SRGAP2: variants seen among roughly 807,000 people sequenced by gnomAD.
The protein encoded by SRGAP2 is SLIT-ROBO Rho GTPase activating protein 2.
A neutral mutation model predicts 57.2 loss-of-function variants in SRGAP2; 15 were observed. The ratio of observed to expected loss-of-function variants is 0.26; its 90% CI spans 0.18 to 0.40. SRGAP2 has a LOEUF of 0.40. SRGAP2 is among the 10% of genes least tolerant of loss of function. The pLI, the probability that SRGAP2 is intolerant of heterozygous loss-of-function variation, is 1.00. For missense variants in SRGAP2, 520 were observed against 669.6 expected, an observed-to-expected ratio of 0.78 and a Z score of 2.47; for synonymous variants, 249 against 248.0, an observed-to-expected ratio of 1.00 and a Z score of -0.04.
At chr1:206,276,809 G>A (rs2102674238) in intron 2 of SRGAP2, among the ~76,000 whole-genome samples, 1 of 152,218 alleles carries the variant, frequency 6.6e-6, no homozygotes, top group South Asian at 2.1e-4. Context: ...TTTGTTTTTA[G>A]GGTGGTGCCC....
intron 20 of SRGAP2, 102 bp downstream of exon 20, chr1:206,453,482 G>T (rs2483058): frequency 8.7e-5 from 41 of 469,518 alleles, no homozygotes; most frequent in African/African-American, 8.0e-4. Context: ...GCCAACCCCT[G>T]GGGGGTCCAG....
intron 2 of SRGAP2, among the ~76,000 whole-genome samples, chr1:206,286,680 A>G (rs1184429674): frequency 6.6e-6 from 1 of 152,194 alleles, no homozygotes; most frequent in African/African-American, 2.4e-5. Flanking sequence ...GGGCACTTTC[A>G]GATGGAGTGG....
At chr1:206,335,602 G>T (rs1284048357) in intron 3 of SRGAP2, among the ~76,000 whole-genome samples, 1 of 152,108 alleles carries the variant, frequency 6.6e-6, no homozygotes, top group East Asian at 1.9e-4. Flanking sequence ...CTAGAATAGT[G>T]GCTAGCCCAT....
At chr1:206,418,199 G>T (rs1159607548) in intron 11 of SRGAP2, among the ~76,000 whole-genome samples, 5 of 152,122 alleles carry the variant, frequency 3.3e-5, no homozygotes, top group Non-Finnish European at 7.4e-5. Context: ...CCTTGTTCTT[G>T]CCGTAGAGGG....
At chr1:206,333,408 G>C in intron 3 of SRGAP2, 2 of 1,358,834 alleles carry the variant, frequency 1.5e-6, no homozygotes, top group Non-Finnish European at 2.1e-6. Flanking sequence ...GTTATCTTCA[G>C]CTTCTTCAAG....
At chr1:206,455,247 T>G (rs976902967) in intron 21 of SRGAP2, 3 of 585,008 alleles carry the variant, frequency 5.1e-6, no homozygotes, top group African/African-American at 3.7e-5. Flanking sequence ...GCCCTCGTGC[T>G]GTGGAAGGGT....
intron 4 of SRGAP2, among the ~76,000 whole-genome samples, chr1:206,363,482 G>A (rs1467675824): frequency 9.9e-5 from 15 of 152,140 alleles, no homozygotes; most frequent in African/African-American, 3.4e-4. Context: ...AAATTAACAC[G>A]GAGGTAATAC....
At chr1:206,334,787 C>CA (rs1674651804) in intron 3 of SRGAP2, among the ~76,000 whole-genome samples, 1 of 151,602 alleles carries the variant, frequency 6.6e-6, no homozygotes, top group South Asian at 2.1e-4. Flanking sequence ...GTGAGCCAGA[C>CA]TGTCTGCCTC....
intron 2 of SRGAP2, among the ~76,000 whole-genome samples, chr1:206,284,777 T>A (rs1261100070): frequency 6.6e-6 from 1 of 151,724 alleles, no homozygotes; most frequent in Non-Finnish European, 1.5e-5. Flanking sequence ...CACAGTCCAC[T>A]ATGACTGTAC....
At chr1:206,314,763 G>T (rs1672944938) in intron 3 of SRGAP2, among the ~76,000 whole-genome samples, 2 of 150,306 alleles carry the variant, frequency 1.3e-5, no homozygotes, top group South Asian at 4.2e-4. Context: ...GAATTTAAAT[G>T]ATATATTTAT....
At chr1:206,339,312 C>A (rs1271667348) in intron 3 of SRGAP2, among the ~76,000 whole-genome samples, 6 of 152,006 alleles carry the variant, frequency 3.9e-5, no homozygotes, top group Non-Finnish European at 8.8e-5. Context: ...GCCCTTGAGC[C>A]TTCTATGGCA....
intron 14 of SRGAP2, among the ~76,000 whole-genome samples, chr1:206,433,496 C>A (rs1279509656): frequency 6.6e-6 from 1 of 152,008 alleles, no homozygotes; most frequent in South Asian, 2.1e-4. Context: ...AAAAAATTAG[C>A]TGGGTGTGGT....
chr1:206,220,459 C>T (rs1385151735), intron 2 of SRGAP2, among the ~76,000 whole-genome samples: 4 of 152,010 alleles, frequency 2.6e-5, no homozygotes, highest in Admixed American at 6.6e-5. Context: ...TTGCCTAGGC[C>T]GAGAGTGTCA....
At chr1:206,393,779 A>C in intron 7 of SRGAP2, 106 bp downstream of exon 7, 1 of 516,584 alleles carries the variant, frequency 1.9e-6, no homozygotes, top group Non-Finnish European at 3.5e-6. Context: ...CATTTTGAGA[A>C]CAATTAGGAA....
chr1:206,210,352 C>G (rs1206495247), intron 2 of SRGAP2, among the ~76,000 whole-genome samples: 1 of 135,060 alleles, frequency 7.4e-6, no homozygotes, highest in African/African-American at 2.8e-5. Flanking sequence ...CAGGGTGGCA[C>G]TGTATGCTGA....
chr1:206,384,398 A>G (rs1553347877), intron 5 of SRGAP2, among the ~76,000 whole-genome samples: 1 of 151,844 alleles, frequency 6.6e-6, no homozygotes, highest in Non-Finnish European at 1.5e-5. Context: ...AGGGACCCTG[A>G]ACTAATGGCA....
At chr1:206,424,793 A>G (rs1407228414) in intron 13 of SRGAP2, among the ~76,000 whole-genome samples, 4 of 152,274 alleles carry the variant, frequency 2.6e-5, no homozygotes, top group Non-Finnish European at 5.9e-5. Context: ...CAGAAACATT[A>G]TAAGGAGAGA....
intron 2 of SRGAP2, among the ~76,000 whole-genome samples, chr1:206,228,845 A>G (rs1281532930): frequency 2.0e-5 from 3 of 148,320 alleles, no homozygotes; most frequent in South Asian, 4.2e-4. Flanking sequence ...AAAAAAAAAG[A>G]TTACATTCCT....
chr1:206,355,950 G>C (rs1161670587), intron 4 of SRGAP2, among the ~76,000 whole-genome samples: 19 of 151,614 alleles, frequency 1.3e-4, no homozygotes, highest in Non-Finnish European at 2.1e-4. Context: ...ATGGGTGACA[G>C]AGCAAAACTC....
Sources: gnomAD v4.1 joint callset for allele counts (sites outside exome capture counted in the v4.1 genomes callset) on GRCh38, gnomAD v4.1.1 for gene constraint, MANE v1.5 for transcripts, NCBI Gene and HGNC (gene_info 2026-07-23, HGNC 2026-07-21) for gene names.